The following FARS2 variants were observed in gnomAD, a reference collection of about 807,000 sequenced individuals.
FARS2 encodes the protein phenylalanine--tRNA ligase, mitochondrial.
FARS2 carries 40 observed loss-of-function variants against 46.4 expected under a neutral mutation model. The ratio of observed to expected loss-of-function variants is 0.86; its 90% CI spans 0.67 to 1.12. The LOEUF is 1.12. FARS2 is among the 50% of genes most tolerant of loss of function. The probability of loss-of-function intolerance (pLI) is 0.00; values close to 1 mark genes in which losing one functional copy is unlikely to be tolerated. For missense variants in FARS2, 513 were observed against 567.9 expected, an observed-to-expected ratio of 0.90 and a Z score of 0.98; for synonymous variants, 234 against 214.9, an observed-to-expected ratio of 1.09 and a Z score of -0.78.
chr6:5,540,010 C>T (rs1770520760), intron 4 of FARS2, among the ~76,000 whole-genome samples: 1 of 152,142 alleles, frequency 6.6e-6, no homozygotes, highest in Admixed American at 6.5e-5. Flanking sequence ...CCTAGACTGC[C>T]ATCATCATGG....
At chr6:5,486,768 T>C (rs1253787759) in intron 4 of FARS2, among the ~76,000 whole-genome samples, 1 of 152,188 alleles carries the variant, frequency 6.6e-6, no homozygotes, top group African/African-American at 2.4e-5. Context: ...CACGTTTCCA[T>C]CATGGGAATG....
intron 2 of FARS2, among the ~76,000 whole-genome samples, chr6:5,390,036 A>G (rs967731418): frequency 1.3e-5 from 2 of 151,784 alleles, no homozygotes; most frequent in African/African-American, 4.8e-5. Flanking sequence ...GGCTAATTTT[A>G]TATTTTTAGT....
chr6:5,619,385 C>T (rs1775644592), intron 6 of FARS2, among the ~76,000 whole-genome samples: 2 of 152,224 alleles, frequency 1.3e-5, no homozygotes, highest in African/African-American at 2.4e-5. Context: ...GCCCCTAACC[C>T]GATTCTGCTC....
intron 1 of FARS2, among the ~76,000 whole-genome samples, chr6:5,291,614 T>C (rs1767510327): frequency 6.6e-6 from 1 of 152,176 alleles, no homozygotes; most frequent in Admixed American, 6.5e-5. Flanking sequence ...TAGAATTAAA[T>C]ATTGAATAGC....
At chr6:5,730,106 CTGTT>C (rs1260397005) in intron 6 of FARS2, among the ~76,000 whole-genome samples, 3 of 152,218 alleles carry the variant, frequency 2.0e-5, no homozygotes, top group Non-Finnish European at 2.9e-5. Context: ...ATATGCCAGT[CTGTT>C]TGTTTACTGA....
intron 4 of FARS2, among the ~76,000 whole-genome samples, chr6:5,533,833 G>C (rs1770014206): frequency 6.6e-6 from 1 of 152,218 alleles, no homozygotes; most frequent in Non-Finnish European, 1.5e-5. Context: ...GTGTGACATT[G>C]AATGTACCTG....
At chr6:5,394,704 G>A (rs777256072) in intron 2 of FARS2, among the ~76,000 whole-genome samples, 2 of 151,962 alleles carry the variant, frequency 1.3e-5, no homozygotes, top group Non-Finnish European at 2.9e-5. Flanking sequence ...CATGGAGTAG[G>A]GGCTGTTTGT....
intron 1 of FARS2, among the ~76,000 whole-genome samples, chr6:5,367,289 A>T (rs1239032960): frequency 6.6e-6 from 1 of 152,188 alleles, no homozygotes; most frequent in East Asian, 1.9e-4. Context: ...TTGAAGTAAA[A>T]CAGCCACATA....
intron 4 of FARS2, among the ~76,000 whole-genome samples, chr6:5,491,490 T>C (rs574716): frequency 0.33 from 50,757 of 151,960 alleles, 8,773 homozygotes; most frequent in East Asian, 0.4. Context: ...TTAAGAATCA[T>C]GCGCCATTGA....
At chr6:5,394,551 A>C (rs1261253483) in intron 2 of FARS2, among the ~76,000 whole-genome samples, 2 of 152,194 alleles carry the variant, frequency 1.3e-5, no homozygotes, top group Non-Finnish European at 2.9e-5. Flanking sequence ...GTGTGTGTAC[A>C]TATATGTACA....
intron 5 of FARS2, among the ~76,000 whole-genome samples, chr6:5,604,607 G>T (rs1014945202): frequency 2.6e-5 from 4 of 152,112 alleles, no homozygotes; most frequent in Non-Finnish European, 5.9e-5. Context: ...ATAAAAGGCA[G>T]ACTTTTTAAA....
intron 3 of FARS2, among the ~76,000 whole-genome samples, chr6:5,413,094 A>C (rs1304134991): frequency 6.6e-5 from 10 of 152,170 alleles, no homozygotes. Context: ...TGTCTAGTGA[A>C]GTGGGAAAAT....
intron 4 of FARS2, among the ~76,000 whole-genome samples, chr6:5,504,869 C>T (rs781226867): frequency 2.6e-4 from 39 of 152,016 alleles, no homozygotes; most frequent in Non-Finnish European, 4.6e-4. Flanking sequence ...TCTGTTACCC[C>T]GGCTGGAGGG....
chr6:5,358,278 A>G (rs1758065020), intron 1 of FARS2, among the ~76,000 whole-genome samples: 1 of 150,360 alleles, frequency 6.7e-6, no homozygotes, highest in African/African-American at 2.4e-5. Flanking sequence ...TTAGCTGAAT[A>G]TTTTTAGTTT....
intron 2 of FARS2, among the ~76,000 whole-genome samples, chr6:5,375,108 G>A (rs1342378528): frequency 1.3e-5 from 2 of 148,676 alleles, no homozygotes; most frequent in Non-Finnish European, 3.0e-5. Flanking sequence ...GAAATAGAAG[G>A]CATAAGCATT....
rs993144009 is a variant in FARS2, at chr6:5,630,881, G to C, written c.1217+17561G>C. Among the ~76,000 whole-genome samples, 4 of 152,236 alleles carry C rather than the reference G, an allele frequency of 2.6e-5. No homozygotes were observed. The highest frequency in any genetic ancestry group is 9.6e-5 in the African/African-American group (4 of 41,464). Reference sequence around the variant, plus strand: ...ACCTGAAAATATGAATGGAGTCTGAGCGATGCTTTGATCAGCATTTCTTAA... The same window carrying C: ...ACCTGAAAATATGAATGGAGTCTGACCGATGCTTTGATCAGCATTTCTTAA... On this transcript the variant is annotated intron_variant, in intron 6 of 6. Transcript: ENST00000274680. The surrounding 1 kb of genome is among the most constrained non-coding windows in gnomAD (Gnocchi z 4.2).
chr6:5,401,773 A>G (rs1187050503), intron 2 of FARS2, among the ~76,000 whole-genome samples: 1 of 152,140 alleles, frequency 6.6e-6, no homozygotes, highest in Non-Finnish European at 1.5e-5. Flanking sequence ...GAGTTGTTTG[A>G]AAATGTGGCT....
intron 4 of FARS2, among the ~76,000 whole-genome samples, chr6:5,500,599 C>T (rs1767733877): frequency 1.3e-5 from 2 of 152,170 alleles, no homozygotes; most frequent in South Asian, 2.1e-4. Flanking sequence ...TGTCTGGTAC[C>T]AGGTGCTGGC....
chr6:5,647,753 C>T (rs1262943052), intron 6 of FARS2, among the ~76,000 whole-genome samples: 2 of 152,210 alleles, frequency 1.3e-5, no homozygotes, highest in Non-Finnish European at 2.9e-5. Flanking sequence ...TAAATGCAAA[C>T]ACATGCTTTA....
Sources: allele counts gnomAD v4.1 joint callset (sites outside exome capture counted in the v4.1 genomes callset), GRCh38; gene constraint gnomAD v4.1.1; non-coding constraint Gnocchi (gnomAD v3.1); transcripts MANE v1.5; gene names NCBI Gene and HGNC (gene_info 2026-07-23, HGNC 2026-07-21).